PDGFD: variants seen among roughly 807,000 people sequenced by gnomAD.
PDGFD encodes platelet derived growth factor D, also known as platelet-derived growth factor D.
PDGFD carries 30 observed loss-of-function variants against 44.7 expected under a neutral mutation model. The observed-to-expected ratio is 0.67, with a 90% CI of 0.50 to 0.91. The LOEUF (loss-of-function observed/expected upper bound fraction) is 0.91, where lower values mean the gene tolerates loss of function less well. Ranked by LOEUF, PDGFD falls within the 40% of genes least tolerant of loss-of-function variation. The probability of loss-of-function intolerance (pLI) is 0.00; values close to 1 mark genes in which losing one functional copy is unlikely to be tolerated. For synonymous variants in PDGFD, 173 were observed against 168.4 expected, an observed-to-expected ratio of 1.03 and a Z score of -0.21; for missense variants, 445 against 457.8, an observed-to-expected ratio of 0.97 and a Z score of 0.25.
chr11:104,085,550 G>A (rs944306452), intron 1 of PDGFD, among the ~76,000 whole-genome samples: 10 of 151,948 alleles, frequency 6.6e-5, no homozygotes, highest in Non-Finnish European at 1.3e-4. Context: ...CATTTTCCAC[G>A]TTAGAAATTC....
At chr11:103,943,310 T>C in intron 5 of PDGFD, 142 bp downstream of exon 5, 1 of 758,838 alleles carries the variant, frequency 1.3e-6, no homozygotes, top group Non-Finnish European at 2.1e-6. Flanking sequence ...CCAGCAAGTA[T>C]AAATGTAAAT....
At chr11:104,098,735 C>G (rs1041479717) in intron 1 of PDGFD, among the ~76,000 whole-genome samples, 3 of 152,034 alleles carry the variant, frequency 2.0e-5, no homozygotes, top group Admixed American at 1.3e-4. Context: ...AGGCTGGTCT[C>G]AAATTTCTTG....
intron 1 of PDGFD, among the ~76,000 whole-genome samples, chr11:104,136,881 T>C (rs17102060): frequency 0.08 from 12,208 of 152,274 alleles, 640 homozygotes; most frequent in East Asian, 0.24. Flanking sequence ...GTCAACTCCC[T>C]TGAACATTTT....
intron 1 of PDGFD, among the ~76,000 whole-genome samples, chr11:104,020,789 A>G (rs1859937563): frequency 6.6e-6 from 1 of 152,218 alleles, no homozygotes; most frequent in African/African-American, 2.4e-5. Context: ...TCAAACAGAA[A>G]GGAACTATAA....
At chr11:104,122,296 T>A (rs751440956) in intron 1 of PDGFD, among the ~76,000 whole-genome samples, 1 of 152,000 alleles carries the variant, frequency 6.6e-6, no homozygotes, top group Non-Finnish European at 1.5e-5. Flanking sequence ...ATAAGCAACA[T>A]GGTGCAGGTC....
At chr11:104,114,736 A>C (rs988331295) in intron 1 of PDGFD, among the ~76,000 whole-genome samples, 1 of 152,010 alleles carries the variant, frequency 6.6e-6, no homozygotes, top group Non-Finnish European at 1.5e-5. Flanking sequence ...TGACCATAGA[A>C]TATCTCTCCA....
At chr11:103,933,159 T>G (rs983269012) in intron 5 of PDGFD, among the ~76,000 whole-genome samples, 3 of 152,150 alleles carry the variant, frequency 2.0e-5, no homozygotes, top group African/African-American at 7.2e-5. Context: ...CCTTTAATGT[T>G]GCAGCACCAG....
chr11:104,012,768 TC>T (rs1293120067), intron 1 of PDGFD, among the ~76,000 whole-genome samples: 1 of 152,260 alleles, frequency 6.6e-6, no homozygotes, highest in Non-Finnish European at 1.5e-5. Context: ...TCATGTTTTC[TC>T]ACTCCGAAAT....
intron 1 of PDGFD, among the ~76,000 whole-genome samples, chr11:104,066,778 G>C (rs1860796929): frequency 6.6e-6 from 1 of 151,988 alleles, no homozygotes; most frequent in Admixed American, 6.6e-5. Flanking sequence ...ATCCCAGCTG[G>C]CACTGGCATA....
intron 5 of PDGFD, among the ~76,000 whole-genome samples, chr11:103,933,491 G>T (rs902881429): frequency 2.0e-5 from 3 of 152,148 alleles, no homozygotes; most frequent in Non-Finnish European, 4.4e-5. Context: ...ACTGAATTTT[G>T]TGACTCCACA....
intron 1 of PDGFD, among the ~76,000 whole-genome samples, chr11:104,049,325 A>C (rs149226266): frequency 2.8e-4 from 42 of 152,280 alleles, no homozygotes; most frequent in African/African-American, 9.9e-4. Context: ...AGCACATTTC[A>C]GGAAGAAAGA....
intron 1 of PDGFD, among the ~76,000 whole-genome samples, chr11:104,006,543 A>G (rs1044227066): frequency 1.3e-5 from 2 of 152,218 alleles, no homozygotes; most frequent in African/African-American, 4.8e-5. Flanking sequence ...GGGAACAGGC[A>G]TTCCTGTTTT....
intron 3 of PDGFD, among the ~76,000 whole-genome samples, chr11:103,957,049 G>A (rs1260877438): frequency 3.3e-5 from 5 of 152,082 alleles, no homozygotes; most frequent in Non-Finnish European, 7.4e-5. Context: ...CTGTGCAGAA[G>A]CTCTTTAGTT....
intron 1 of PDGFD, among the ~76,000 whole-genome samples, chr11:104,078,918 G>A (rs1415911270): frequency 6.7e-6 from 1 of 149,370 alleles, no homozygotes; most frequent in Non-Finnish European, 1.5e-5. Context: ...CATTGTGTAG[G>A]CTTACCTGTA....
At chr11:104,119,688 TA>T (rs1861737109) in intron 1 of PDGFD, among the ~76,000 whole-genome samples, 1 of 95,516 alleles carries the variant, frequency 1.0e-5, no homozygotes, top group African/African-American at 4.5e-5. Flanking sequence ...TATCGATATA[TA>T]ATATATAATA....
At chr11:103,967,813 G>C (rs1050595963) in intron 3 of PDGFD, among the ~76,000 whole-genome samples, 2 of 152,026 alleles carry the variant, frequency 1.3e-5, no homozygotes, top group African/African-American at 4.8e-5. Context: ...AAAACTGTTT[G>C]TCTCTACCAT....
At chr11:104,074,368 G>A (rs575307086) in intron 1 of PDGFD, among the ~76,000 whole-genome samples, 4 of 152,198 alleles carry the variant, frequency 2.6e-5, no homozygotes, top group African/African-American at 9.7e-5. Context: ...CAATGGGCAA[G>A]TGATACAAGT....
At chr11:104,019,172 A>G (rs1394071047) in intron 1 of PDGFD, among the ~76,000 whole-genome samples, 1 of 152,242 alleles carries the variant, frequency 6.6e-6, no homozygotes, top group Non-Finnish European at 1.5e-5. Flanking sequence ...TCTTCTAGCA[A>G]ACAATGAGCT....
At chr11:104,117,211 C>T (rs150256234) in intron 1 of PDGFD, among the ~76,000 whole-genome samples, 1,637 of 151,998 alleles carry the variant, frequency 0.011, 13 homozygotes, top group Non-Finnish European at 0.017. Context: ...TCAGCAAAAT[C>T]GACATACAAG....
Sources: allele counts gnomAD v4.1 joint callset (sites outside exome capture counted in the v4.1 genomes callset), GRCh38; gene constraint gnomAD v4.1.1; transcripts MANE v1.5; gene names NCBI Gene and HGNC (gene_info 2026-07-23, HGNC 2026-07-21).